The following FREM3 variants were observed in gnomAD, a reference collection of about 807,000 sequenced individuals.
FREM3 encodes FRAS1 related extracellular matrix 3, also known as FRAS1-related extracellular matrix protein 3.
In FREM3, 105 loss-of-function variants were observed where a neutral mutation model predicts 129.1. That is an observed-to-expected ratio of 0.81 (90% CI 0.69 to 0.96). The LOEUF (loss-of-function observed/expected upper bound fraction) is 0.96. Among genes scored for constraint, FREM3 ranks in the 40% least tolerant of loss-of-function variants. FREM3 has a pLI of 0.00. For synonymous variants in FREM3, 1,014 were observed against 1,044.9 expected, an observed-to-expected ratio of 0.97 and a Z score of 0.57; for missense variants, 2,593 against 2,666.3, an observed-to-expected ratio of 0.97 and a Z score of 0.61.
At chr4:143,663,117 C>A (rs1222315445) in intron 2 of FREM3, among the ~76,000 whole-genome samples, 1 of 152,004 alleles carries the variant, frequency 6.6e-6, no homozygotes, top group African/African-American at 2.4e-5. Flanking sequence ...TGTATTTGGT[C>A]CTGTCATTAT....
chr4:143,583,644 C>G (rs1738186243), intron 7 of FREM3, among the ~76,000 whole-genome samples: 1 of 151,612 alleles, frequency 6.6e-6, no homozygotes, highest in Non-Finnish European at 1.5e-5. Context: ...AGATTAGGGG[C>G]CTTTATTAAG....
chr4:143,650,706 G>A (rs1305267770), intron 2 of FREM3, among the ~76,000 whole-genome samples: 4 of 152,224 alleles, frequency 2.6e-5, no homozygotes, highest in Non-Finnish European at 5.9e-5. Flanking sequence ...TGCCCAGGCT[G>A]ATCTTGAACT....
At chr4:143,581,145 T>A (rs148155488) in intron 7 of FREM3, among the ~76,000 whole-genome samples, 1 of 152,322 alleles carries the variant, frequency 6.6e-6, no homozygotes, top group African/African-American at 2.4e-5. Flanking sequence ...CTGCCCAGAC[T>A]GTTCTCCATG....
intron 2 of FREM3, among the ~76,000 whole-genome samples, chr4:143,664,796 G>T (rs965468725): frequency 6.6e-6 from 1 of 152,138 alleles, no homozygotes; most frequent in African/African-American, 2.4e-5. Context: ...GCAATGGCGG[G>T]CGCCCCTCCC....
chr4:143,611,898 G>A (rs1050198532), intron 5 of FREM3, among the ~76,000 whole-genome samples: 6 of 152,218 alleles, frequency 3.9e-5, no homozygotes, highest in Non-Finnish European at 7.4e-5. Flanking sequence ...AAATAGTATC[G>A]ATTTTTTTCC....
At chr4:143,677,235 A>G (rs1464930343) in intron 2 of FREM3, among the ~76,000 whole-genome samples, 6 of 152,124 alleles carry the variant, frequency 3.9e-5, no homozygotes, top group African/African-American at 9.7e-5. Flanking sequence ...CAGAAATAAT[A>G]CCACACATCT....
chr4:143,620,621 G>T (rs780680588), intron 5 of FREM3, among the ~76,000 whole-genome samples: 1 of 152,132 alleles, frequency 6.6e-6, no homozygotes, highest in East Asian at 1.9e-4. Flanking sequence ...GAGAAACTGA[G>T]TAGTATATAC....
intron 2 of FREM3, among the ~76,000 whole-genome samples, chr4:143,662,269 A>G (rs1739745546): frequency 6.6e-6 from 1 of 152,158 alleles, no homozygotes; most frequent in Admixed American, 6.5e-5. Context: ...AATGTGTCCC[A>G]GAGATTCTGG....
chr4:143,660,993 A>G (rs1280777144), intron 2 of FREM3, among the ~76,000 whole-genome samples: 2 of 152,142 alleles, frequency 1.3e-5, no homozygotes, highest in African/African-American at 4.8e-5. Context: ...GGTTGAGACA[A>G]TGGGGTTTTC....
At chr4:143,639,447 T>A (rs1739284779) in intron 2 of FREM3, among the ~76,000 whole-genome samples, 1 of 152,106 alleles carries the variant, frequency 6.6e-6, no homozygotes, top group African/African-American at 2.4e-5. Flanking sequence ...TCCCCATCCC[T>A]CAGATGAGGG....
chr4:143,660,634 G>T (rs1395277430), intron 2 of FREM3, among the ~76,000 whole-genome samples: 1 of 152,134 alleles, frequency 6.6e-6, no homozygotes, highest in Non-Finnish European at 1.5e-5. Flanking sequence ...GTCATTGGTA[G>T]CTTGATGGGC....
intron 2 of FREM3, among the ~76,000 whole-genome samples, chr4:143,671,406 T>C (rs1472330241): frequency 6.6e-6 from 1 of 152,172 alleles, no homozygotes; most frequent in Non-Finnish European, 1.5e-5. Context: ...AAAATGTAAA[T>C]TTATCCATCT....
intron 5 of FREM3, among the ~76,000 whole-genome samples, chr4:143,615,868 C>T (rs1171988296): frequency 3.3e-5 from 5 of 152,198 alleles, no homozygotes; most frequent in African/African-American, 1.2e-4. Flanking sequence ...GGTGCACTAT[C>T]ACCATTGCAG....
intron 2 of FREM3, among the ~76,000 whole-genome samples, chr4:143,632,746 T>C (rs572069711): frequency 1.3e-5 from 2 of 152,218 alleles, no homozygotes; most frequent in Admixed American, 1.3e-4. Context: ...CTGGGCCACA[T>C]TGGAGGAAGA....
At chr4:143,577,881 G>A (rs1028105920) in intron 7 of FREM3, 29 bp from the exon 8 acceptor site, 1 of 1,523,310 alleles carries the variant, frequency 6.6e-7, no homozygotes, top group African/African-American at 1.4e-5. Flanking sequence ...GCACTGGTGA[G>A]ACAGTAGGAT....
intron 2 of FREM3, among the ~76,000 whole-genome samples, chr4:143,634,085 G>C (rs377491899): frequency 1.3e-5 from 2 of 152,138 alleles, no homozygotes; most frequent in Non-Finnish European, 2.9e-5. Flanking sequence ...TATAGATATA[G>C]CAATAGCTGA....
At position 143,696,405 on chromosome 4, in the gene FREM3, C is replaced by T. The variant is rs757342595; in HGVS notation, c.4271G>A (p.Ser1424Asn). The change falls in exon 1 of 8, where the codon AGC becomes AAC. Residue 1424 changes from serine to asparagine, a missense_variant. Transcript: ENST00000329798. Reference protein sequence around the residue: ...YFYVTIGNLDSVFPEVISKRI... With the variant: ...YFYVTIGNLDNVFPEVISKRI... ...TTTGCTGATTACCTCAGGGAAGACG[C>T]TGTCTAAGTTGCCAATGGTGACATA... The T allele has an allele frequency of 2.0e-6, 3 of 1,537,326 alleles. No individual in the cohort carries two copies. Among genetic ancestry groups the T allele is most frequent in the African/African-American group, 1.4e-5 (1 of 73,042 alleles).
chr4:143,618,057 T>C (rs1363296465), intron 5 of FREM3, among the ~76,000 whole-genome samples: 1 of 152,182 alleles, frequency 6.6e-6, no homozygotes, highest in Admixed American at 6.5e-5. Flanking sequence ...ATAGATCATA[T>C]GTAATTGCTA....
At chr4:143,593,051 T>C (rs923533468) in intron 6 of FREM3, among the ~76,000 whole-genome samples, 8 of 152,254 alleles carry the variant, frequency 5.3e-5, no homozygotes, top group African/African-American at 1.9e-4. Context: ...GGCTTGTGCA[T>C]TCATCACATT....
Sources: allele counts gnomAD v4.1 joint callset (sites outside exome capture counted in the v4.1 genomes callset), GRCh38; gene constraint gnomAD v4.1.1; transcripts MANE v1.5; gene names NCBI Gene and HGNC (gene_info 2026-07-23, HGNC 2026-07-21).